Variants in ESRRG observed in about 807,000 individuals in gnomAD.
ESRRG encodes the protein estrogen related receptor gamma.
Under a neutral mutation model 44.0 loss-of-function variants are expected in ESRRG, and 13 were observed. That is an observed-to-expected ratio of 0.30 (90% CI 0.19 to 0.47). The LOEUF is 0.47. ESRRG is among the 20% of genes least tolerant of loss of function. The probability of loss-of-function intolerance (pLI) is 1.00; values close to 1 mark genes in which losing one functional copy is unlikely to be tolerated. For missense variants in ESRRG, 395 were observed against 580.6 expected (o/e 0.68, Z 3.29); for synonymous variants, 215 against 214.6 (o/e 1.00, Z -0.02).
chr1:217,108,083 A>T (rs1472342823), intron 1 of ESRRG, among the ~76,000 whole-genome samples: 3 of 152,100 alleles, frequency 2.0e-5, no homozygotes, highest in Non-Finnish European at 4.4e-5. Flanking sequence ...TAAAGTCTCT[A>T]CCCAGTTTTC....
chr1:216,923,578 C>T (rs1297323839), intron 2 of ESRRG, among the ~76,000 whole-genome samples: 1 of 152,150 alleles, frequency 6.6e-6, no homozygotes, highest in Non-Finnish European at 1.5e-5. Flanking sequence ...ATTAACTGGA[C>T]TGTTGGTGGA....
intron 2 of ESRRG, among the ~76,000 whole-genome samples, chr1:216,840,416 T>C (rs1018861871): frequency 6.6e-6 from 1 of 151,782 alleles, no homozygotes; most frequent in African/African-American, 2.4e-5. Flanking sequence ...TTGTGGCTGG[T>C]TTGATCTTCT....
At chr1:216,783,161 G>T (rs1441850384) in intron 2 of ESRRG, among the ~76,000 whole-genome samples, 1 of 151,908 alleles carries the variant, frequency 6.6e-6, no homozygotes, top group African/African-American at 2.4e-5. Flanking sequence ...TTTCAGGTGA[G>T]AACTTAGAAA....
At chr1:216,662,488 C>A (rs1243634781) in intron 2 of ESRRG, among the ~76,000 whole-genome samples, 1 of 152,114 alleles carries the variant, frequency 6.6e-6, no homozygotes, top group Admixed American at 6.6e-5. Context: ...AAGCTCCTGG[C>A]ATGTAGTCTG....
At chr1:216,993,344 C>A (rs1339440682) in intron 1 of ESRRG, among the ~76,000 whole-genome samples, 1 of 152,180 alleles carries the variant, frequency 6.6e-6, no homozygotes, top group Non-Finnish European at 1.5e-5. Flanking sequence ...TATGGCACAA[C>A]TGAAATCTCC....
At chr1:216,831,198 T>G in intron 2 of ESRRG, among the ~76,000 whole-genome samples, 1 of 151,934 alleles carries the variant, frequency 6.6e-6, no homozygotes, top group Non-Finnish European at 1.5e-5. Context: ...TGGTGCATAT[T>G]TTTTAAGAGT....
chr1:216,808,395 G>A (rs1014495899), intron 2 of ESRRG, among the ~76,000 whole-genome samples: 3 of 152,062 alleles, frequency 2.0e-5, no homozygotes, highest in Non-Finnish European at 2.9e-5. Context: ...GTCTCAATGA[G>A]AGAGCATCAA....
At chr1:216,634,157 T>C (rs960886560) in intron 3 of ESRRG, among the ~76,000 whole-genome samples, 1 of 152,212 alleles carries the variant, frequency 6.6e-6, no homozygotes. Flanking sequence ...CTCTGAAGCA[T>C]AATGCTTCAG....
In ESRRG at chr1:216,505,611, T is replaced by C. The variant is rs1427346979; in HGVS notation, c.*1328A>G. 1 of 152,552 alleles carries C rather than the reference T, an allele frequency of 6.6e-6. No individual in the cohort carries two copies. Among genetic ancestry groups the C allele is most frequent in the Non-Finnish European group, 1.5e-5 (1 of 68,040 alleles). The allele number at this position is 152,552 out of a possible 1,614,324, so 9.4% of individuals were successfully genotyped here. On this transcript the variant is annotated 3_prime_UTR_variant, in exon 7 of 7. Coordinates refer to ENST00000408911, the MANE Select transcript of ESRRG (RefSeq NM_001438.4). ...TCATATGGCAATTGTACCTCCCAAG[T>C]AGAGAGGTGCACTCCTGACAATTCT...
At chr1:216,969,250 T>C (rs1348713833) in intron 1 of ESRRG, among the ~76,000 whole-genome samples, 1 of 152,174 alleles carries the variant, frequency 6.6e-6, no homozygotes, top group Non-Finnish European at 1.5e-5. Context: ...AGAATAAATG[T>C]AAACATAGAA....
At chr1:216,549,990 C>A (rs78467652) in intron 5 of ESRRG, among the ~76,000 whole-genome samples, 17 of 151,966 alleles carry the variant, frequency 1.1e-4, no homozygotes, top group African/African-American at 3.9e-4. Context: ...AACAGCCGTG[C>A]GGAAGTCAGT....
chr1:216,607,871 A>C (rs992270214), intron 3 of ESRRG, among the ~76,000 whole-genome samples: 23 of 152,234 alleles, frequency 1.5e-4, no homozygotes, highest in African/African-American at 4.8e-4. Flanking sequence ...AAGCACATGT[A>C]ATCACACAAA....
chr1:217,047,339 A>G (rs2085073674), intron 1 of ESRRG, among the ~76,000 whole-genome samples: 1 of 152,142 alleles, frequency 6.6e-6, no homozygotes, highest in South Asian at 2.1e-4. Flanking sequence ...TAATCCTCCC[A>G]ACCAATTCTT....
At chr1:216,511,970 A>G (rs2042858000) in intron 6 of ESRRG, among the ~76,000 whole-genome samples, 2 of 152,336 alleles carry the variant, frequency 1.3e-5, no homozygotes, top group Admixed American at 6.5e-5. Flanking sequence ...AAGAGAAATA[A>G]TCAAGCATTT....
rs886093436 is a variant in ESRRG, at chr1:217,001,195, C to T, written c.-105-61522G>A. 4.6e-5 allele frequency among the ~76,000 whole-genome samples: 7 copies of T among 152,272 alleles called. No homozygotes were observed. The South Asian group carries it at 1.2e-3, about 27-fold the overall frequency. ...CTATAATACACCTTAGTGGAAGCTGCCTTCTTTTCTTCGGTTCTTTTTTTT... is the reference window on the plus strand; with the variant it reads ...CTATAATACACCTTAGTGGAAGCTGTCTTCTTTTCTTCGGTTCTTTTTTTT... On this transcript the variant is annotated intron_variant, in intron 1 of 7. Transcript: ENST00000359162.
chr1:216,726,410 C>T (rs756717150), upstream of ESRRG, among the ~76,000 whole-genome samples: 1 of 152,080 alleles, frequency 6.6e-6, no homozygotes, highest in Non-Finnish European at 1.5e-5. Flanking sequence ...TCTCAAGAAA[C>T]TTCCCTGGTC....
chr1:217,136,536 G>A (rs1312531189), intron 1 of ESRRG, among the ~76,000 whole-genome samples: 1 of 152,150 alleles, frequency 6.6e-6, no homozygotes, highest in African/African-American at 2.4e-5. Flanking sequence ...GTGGGGTTTT[G>A]CCATGGGGTC....
Position 216,779,966 on chromosome 1 carries a change from A to G in ESRRG, c.-13-102475T>C, listed in dbSNP as rs190846218. Among the ~76,000 whole-genome samples the G allele has an allele frequency of 4.6e-5, 7 of 151,992 alleles. No homozygotes were observed. The East Asian group carries it at 1.4e-3, about 30-fold the overall frequency. On this transcript the variant is annotated intron_variant, in intron 2 of 7. Coordinates refer to the ESRRG transcript ENST00000359162. Reference sequence around the variant, plus strand: ...GTGACTAGCAGCCAACATGTTCTATACACCTAAGATAGAAGCATGTTTGTT... The same window carrying G: ...GTGACTAGCAGCCAACATGTTCTATGCACCTAAGATAGAAGCATGTTTGTT...
At chr1:216,879,988 TTG>T (rs904630265) in intron 2 of ESRRG, among the ~76,000 whole-genome samples, 171 of 152,064 alleles carry the variant, frequency 1.1e-3, no homozygotes, top group Non-Finnish European at 1.7e-3. Context: ...TTTAAAATTA[TTG>T]TAAATAAAAG....
Sources: allele counts gnomAD v4.1 joint callset (sites outside exome capture counted in the v4.1 genomes callset), GRCh38; gene constraint gnomAD v4.1.1; transcripts MANE v1.5; gene names NCBI Gene and HGNC (gene_info 2026-07-23, HGNC 2026-07-21).